Variants in ZCCHC7 observed in about 807,000 individuals in gnomAD.
The protein encoded by ZCCHC7 is zinc finger CCHC-type containing 7.
In ZCCHC7, 35 loss-of-function variants were observed where a neutral mutation model predicts 52.0. The ratio of observed to expected loss-of-function variants is 0.67; its 90% CI spans 0.51 to 0.89. The LOEUF (loss-of-function observed/expected upper bound fraction) is 0.89. ZCCHC7 is among the 40% of genes least tolerant of loss of function. The pLI is 0.00. For missense variants in ZCCHC7, 574 were observed against 649.1 expected, an observed-to-expected ratio of 0.88 and a Z score of 1.26; for synonymous variants, 217 against 221.5, an observed-to-expected ratio of 0.98 and a Z score of 0.18.
chr9:37,349,466 A>T lies in ZCCHC7; in HGVS notation c.1083+14A>T, dbSNP rs760928629. The stretch of plus-strand genomic sequence containing the variant: ...CATTATGGACACGTAAGTTTGAGTG[A>T]CATTTGGGCATGAAGCATTCTGTTG... On this transcript the variant is annotated intron_variant, in intron 7 of 8. Transcript: ENST00000336755. The T allele has an allele frequency of 1.9e-5, 31 of 1,611,214 alleles. No homozygotes were observed. The Admixed American group carries it at 5.2e-4, about 27-fold the overall frequency.
intron 2 of ZCCHC7, among the ~76,000 whole-genome samples, chr9:37,285,758 C>T (rs951788397): frequency 1.3e-5 from 2 of 152,148 alleles, no homozygotes; most frequent in Non-Finnish European, 2.9e-5. Flanking sequence ...AGGAAAATCA[C>T]TTGTTTCTTC....
At chr9:37,129,694 C>A (rs2132702373) in intron 2 of ZCCHC7, among the ~76,000 whole-genome samples, 1 of 152,194 alleles carries the variant, frequency 6.6e-6, no homozygotes, top group African/African-American at 2.4e-5. Context: ...AAGAAAAAAA[C>A]AAAATATCTC....
chr9:37,164,715 A>C (rs941471139), intron 2 of ZCCHC7, among the ~76,000 whole-genome samples: 3 of 152,016 alleles, frequency 2.0e-5, no homozygotes, highest in African/African-American at 7.3e-5. Flanking sequence ...TGTAGGTCAA[A>C]CTATAGGCAT....
intron 5 of ZCCHC7, among the ~76,000 whole-genome samples, chr9:37,325,182 C>CA (rs1431572563): frequency 2.0e-5 from 3 of 152,126 alleles, no homozygotes; most frequent in Non-Finnish European, 4.4e-5. Context: ...ACTAGTTGGG[C>CA]AGAAGTTGGC....
intron 2 of ZCCHC7, among the ~76,000 whole-genome samples, chr9:37,178,825 C>T (rs577124477): frequency 2.6e-5 from 4 of 152,278 alleles, no homozygotes; most frequent in African/African-American, 9.6e-5. Context: ...AACTTGCTAA[C>T]TCTAGGTGAC....
At chr9:37,172,073 A>G (rs1018926407) in intron 2 of ZCCHC7, among the ~76,000 whole-genome samples, 1 of 152,180 alleles carries the variant, frequency 6.6e-6, no homozygotes, top group Non-Finnish European at 1.5e-5. Context: ...TGTCTCTTAA[A>G]GTTCTAATGT....
chr9:37,337,674 A>G (rs1830743133), intron 6 of ZCCHC7, among the ~76,000 whole-genome samples: 1 of 152,152 alleles, frequency 6.6e-6, no homozygotes, highest in Admixed American at 6.5e-5. Context: ...GGAAATATAA[A>G]AAGGAAATAC....
At chr9:37,253,219 A>T (rs1826415181) in intron 2 of ZCCHC7, among the ~76,000 whole-genome samples, 2 of 152,072 alleles carry the variant, frequency 1.3e-5, no homozygotes, top group South Asian at 4.1e-4. Flanking sequence ...CTGAAGAATA[A>T]TAATTAGATT....
At position 37,357,022 on chromosome 9, in the gene ZCCHC7, G is replaced by A; in HGVS notation, c.1386G>A (p.Lys462=). Reference sequence around the variant, plus strand: ...ATAGAAACTGGGAGAAGCACAGGAAGGCTGACAGACATCGTGAAGTGGATG... The same window carrying A: ...ATAGAAACTGGGAGAAGCACAGGAAAGCTGACAGACATCGTGAAGTGGATG... ...NKNRNWEKHR[K]ADRHREVDED... Residue 462 remains lysine (K), a synonymous_variant, in exon 9 of 9, where the codon AAG becomes AAA. Transcript: ENST00000336755. 6.2e-7 allele frequency: 1 copy of A among 1,613,794 alleles called. No individual in the cohort carries two copies.
intron 6 of ZCCHC7, among the ~76,000 whole-genome samples, chr9:37,342,452 C>G (rs1317358124): frequency 6.6e-6 from 1 of 151,912 alleles, no homozygotes; most frequent in Non-Finnish European, 1.5e-5. Context: ...GAATGGCAAG[C>G]GAAAAGGTTA....
chr9:37,266,719 G>A (rs1363288344), intron 2 of ZCCHC7, among the ~76,000 whole-genome samples: 2 of 152,010 alleles, frequency 1.3e-5, no homozygotes, highest in African/African-American at 4.8e-5. Flanking sequence ...ACAAAAAACA[G>A]AAAAATTAAC....
intron 2 of ZCCHC7, among the ~76,000 whole-genome samples, chr9:37,296,724 G>T (rs911736385): frequency 1.3e-5 from 2 of 152,118 alleles, no homozygotes; most frequent in African/African-American, 2.4e-5. Flanking sequence ...TATCGCGAAG[G>T]TTGTCATGCG....
In ZCCHC7 at chr9:37,298,146, G is replaced by A. The variant is rs142044019; in HGVS notation, c.611-4042G>A. The stretch of plus-strand genomic sequence containing the variant: ...TAAATGATGTTTAAAGCAATTTATA[G>A]CCCTGGATCACCATGCACATATAAA... On this transcript the variant is annotated intron_variant, in intron 2 of 8. Coordinates refer to ENST00000336755, the MANE Select transcript of ZCCHC7 (RefSeq NM_032226.3). Among the ~76,000 whole-genome samples, 11 of 152,292 alleles carry A rather than the reference G, an allele frequency of 7.2e-5. No individual in the cohort carries two copies. In the East Asian group the frequency reaches 2.1e-3, roughly 29 times the overall value.
chr9:37,327,837 G>C lies in ZCCHC7; in HGVS notation c.987+3G>C. On this transcript the variant is annotated splice_donor_region_variant and intron_variant, in intron 6 of 8. Coordinates refer to ENST00000336755, the MANE Select transcript of ZCCHC7 (RefSeq NM_032226.3). ...TCTGGAGGCAGTATCACCTAACGGT[G>C]AGTAGAAACACCTTTTTTATTTTCC... 2 of 1,612,826 alleles carry C rather than the reference G, an allele frequency of 1.2e-6. No homozygotes were observed. Among genetic ancestry groups the C allele is most frequent in the Non-Finnish European group, 8.5e-7 (1 of 1,179,148 alleles).
chr9:37,321,328 G>A (rs546743015), intron 5 of ZCCHC7, among the ~76,000 whole-genome samples: 104 of 151,828 alleles, frequency 6.8e-4, no homozygotes, highest in African/African-American at 2.3e-3. Context: ...GTGGGGTCTC[G>A]CTGTTACCCA....
chr9:37,255,811 T>C (rs759584907), intron 2 of ZCCHC7, among the ~76,000 whole-genome samples: 8 of 152,148 alleles, frequency 5.3e-5, no homozygotes, highest in Non-Finnish European at 1.2e-4. Context: ...AGATGACTTG[T>C]GGTAGGTTCT....
intron 5 of ZCCHC7, among the ~76,000 whole-genome samples, chr9:37,324,571 G>A (rs552951764): frequency 6.6e-6 from 1 of 152,310 alleles, no homozygotes; most frequent in Non-Finnish European, 1.5e-5. Flanking sequence ...ACTCATCACA[G>A]CTACATTTTC....
chr9:37,215,287 C>T (rs1824444032), intron 2 of ZCCHC7, among the ~76,000 whole-genome samples: 1 of 152,088 alleles, frequency 6.6e-6, no homozygotes, highest in South Asian at 2.1e-4. Flanking sequence ...ATGGTAAATT[C>T]CACTTAATGA....
chr9:37,297,228 T>G, intron 2 of ZCCHC7, among the ~76,000 whole-genome samples: 1 of 152,240 alleles, frequency 6.6e-6, no homozygotes, highest in Non-Finnish European at 1.5e-5. Context: ...AAAATTCAAT[T>G]ATCATGGTTA....
Sources: allele counts gnomAD v4.1 joint callset (sites outside exome capture counted in the v4.1 genomes callset), GRCh38; gene constraint gnomAD v4.1.1; transcripts MANE v1.5; gene names NCBI Gene and HGNC (gene_info 2026-07-23, HGNC 2026-07-21).